LEMD3: variants seen among roughly 807,000 people sequenced by gnomAD.
LEMD3 encodes LEM domain containing 3.
A neutral mutation model predicts 95.2 loss-of-function variants in LEMD3; 33 were observed. The ratio of observed to expected loss-of-function variants is 0.35; its 90% CI spans 0.26 to 0.46. The LOEUF is 0.46. LEMD3 is among the 20% of genes least tolerant of loss of function. LEMD3 has a pLI of 1.00. For missense variants in LEMD3, 1,210 were observed against 1,192.8 expected (o/e 1.01, Z -0.21); for synonymous variants, 525 against 474.6 (o/e 1.11, Z -1.38).
intron 1 of LEMD3, among the ~76,000 whole-genome samples, chr12:65,203,658 T>A (rs762622654): frequency 1.3e-5 from 2 of 152,202 alleles, no homozygotes; most frequent in East Asian, 3.9e-4. Flanking sequence ...TCCAGTTAAT[T>A]AATGATTTGT....
rs1870924426 is a variant in LEMD3 at position 65,241,103 on chromosome 12, C to T, written c.2305+16C>T. Reference sequence around the variant, plus strand: ...CAAGGTCAAGGTATGTATTTTTAAACATCAAAAAAGTAATTTTCTTCTAAT... The same window carrying T: ...CAAGGTCAAGGTATGTATTTTTAAATATCAAAAAAGTAATTTTCTTCTAAT... On this transcript the variant is annotated intron_variant, in intron 9 of 12. Coordinates refer to ENST00000308330, the MANE Select transcript of LEMD3 (RefSeq NM_014319.5). 1.2e-6 allele frequency: 2 copies of T among 1,606,036 alleles called. No homozygotes were observed. Among genetic ancestry groups the T allele is most frequent in the Middle Eastern group, 1.7e-4 (1 of 6,048 alleles).
chr12:65,229,479 A>T (rs185712009), intron 4 of LEMD3, among the ~76,000 whole-genome samples: 1 of 152,258 alleles, frequency 6.6e-6, no homozygotes, highest in Non-Finnish European at 1.5e-5. Context: ...CAATGCCTGT[A>T]CTGATTTACA....
intron 2 of LEMD3, among the ~76,000 whole-genome samples, chr12:65,211,377 A>G (rs904732526): frequency 1.3e-5 from 2 of 152,180 alleles, no homozygotes; most frequent in Non-Finnish European, 2.9e-5. Flanking sequence ...TCTTCTGCAT[A>G]TTGGCATGCC....
intron 4 of LEMD3, among the ~76,000 whole-genome samples, chr12:65,221,746 T>TTTC (rs1438032186): frequency 1.4e-4 from 21 of 150,560 alleles, no homozygotes; most frequent in African/African-American, 4.6e-4. Context: ...CTTTTTTTTT[T>TTTC]TTTTTTTTCC....
intron 4 of LEMD3, among the ~76,000 whole-genome samples, chr12:65,224,999 T>C (rs1870404515): frequency 6.6e-6 from 1 of 152,166 alleles, no homozygotes; most frequent in East Asian, 1.9e-4. Context: ...GCTGATTCTT[T>C]CTTCTGTTTG....
intron 1 of LEMD3, among the ~76,000 whole-genome samples, chr12:65,210,124 GTGAA>G (rs34535883): frequency 0.47 from 71,289 of 151,486 alleles, 17,455 homozygotes; most frequent in African/African-American, 0.61. Flanking sequence ...TAATTTAGAG[GTGAA>G]TGAAGGAGGG....
At chr12:65,189,694 AT>A (rs1391701377) in intron 1 of LEMD3, among the ~76,000 whole-genome samples, 1 of 152,158 alleles carries the variant, frequency 6.6e-6, no homozygotes, top group African/African-American at 2.4e-5. Flanking sequence ...AATAAGACTA[AT>A]TTGTTTGCAA....
At chr12:65,234,267 T>C (rs955471707) in intron 4 of LEMD3, among the ~76,000 whole-genome samples, 6 of 152,262 alleles carry the variant, frequency 3.9e-5, no homozygotes, top group African/African-American at 1.4e-4. Context: ...CTGCACAGCT[T>C]AAAGTGTTTA....
At position 65,203,276 on chromosome 12, in the gene LEMD3, A is replaced by G. The variant is rs1040436141; in HGVS notation, c.1523-7650A>G. ...TAACTCCCACATGCTTAGCGTTCCA[A>G]TAATGGAACACTAGACATTAATAAA... On this transcript the variant is annotated intron_variant, in intron 1 of 12. Transcript: ENST00000308330. Among the ~76,000 whole-genome samples the G allele has an allele frequency of 5.1e-5, 7 of 137,062 alleles. No homozygotes were observed. The East Asian group carries it at 8.0e-4, about 16-fold the overall frequency. 89.9% of individuals were successfully genotyped at this position (137,062 alleles called of 152,430 possible). A position where few individuals can be genotyped will look rare whatever the true frequency, so the allele number is the denominator to read the frequency against.
chr12:65,232,842 C>T (rs886399449), intron 4 of LEMD3, among the ~76,000 whole-genome samples: 1 of 152,048 alleles, frequency 6.6e-6, no homozygotes, highest in Non-Finnish European at 1.5e-5. Context: ...CTTTCAAAAC[C>T]TTCTTAACCT....
intron 2 of LEMD3, among the ~76,000 whole-genome samples, chr12:65,212,459 C>T (rs1466325737): frequency 6.6e-6 from 1 of 151,154 alleles, no homozygotes; most frequent in African/African-American, 2.4e-5. Flanking sequence ...ATGGCCTGAA[C>T]CCGGGAGGCG....
rs758148747 is a variant in LEMD3 at position 65,170,722 on chromosome 12, G to T, written c.1126G>T (p.Asp376Tyr). 39 of 1,614,082 alleles carry T rather than the reference G, an allele frequency of 2.4e-5. No individual in the cohort carries two copies. Among genetic ancestry groups the T allele is most frequent in the Middle Eastern group, 1.6e-4 (1 of 6,084 alleles). ...CCTGCCCCCGCCACTTACTGACATGGACTCAACCTTGGATTCGTCAACAGG... is the reference window on the plus strand; with the variant it reads ...CCTGCCCCCGCCACTTACTGACATGTACTCAACCTTGGATTCGTCAACAGG... ...PLLPPPLTDM[D>Y]STLDSSTGSL... The change falls in exon 1 of 13, where the codon GAC (aspartate) becomes TAC (tyrosine). Residue 376 changes from aspartate to tyrosine, a missense_variant. Transcript: ENST00000308330.
chr12:65,225,036 A>G (rs1468074391), intron 4 of LEMD3, among the ~76,000 whole-genome samples: 1 of 151,958 alleles, frequency 6.6e-6, no homozygotes, highest in African/African-American at 2.4e-5. Context: ...AACCCCTCTA[A>G]TGAATTCTTA....
intron 1 of LEMD3, among the ~76,000 whole-genome samples, chr12:65,199,681 C>G (rs1040689277): frequency 2.0e-5 from 3 of 151,838 alleles, no homozygotes; most frequent in Non-Finnish European, 4.4e-5. Flanking sequence ...TTTCAGTTTT[C>G]AATTTATAAA....
chr12:65,227,097 T>A (rs952999625), intron 4 of LEMD3, among the ~76,000 whole-genome samples: 1 of 152,122 alleles, frequency 6.6e-6, no homozygotes, highest in Non-Finnish European at 1.5e-5. Flanking sequence ...CTCAGTGTTA[T>A]GGGATGGACG....
At chr12:65,244,277 A>ACC (rs1215684704) in intron 10 of LEMD3, among the ~76,000 whole-genome samples, 4 of 139,646 alleles carry the variant, frequency 2.9e-5, no homozygotes, top group Admixed American at 2.8e-4. Context: ...GCACACACAC[A>ACC]CACACACACC....
chr12:65,186,587 T>TA (rs1391898457), intron 1 of LEMD3, among the ~76,000 whole-genome samples: 1 of 150,054 alleles, frequency 6.7e-6, no homozygotes, highest in African/African-American at 2.4e-5. Context: ...CAAATGCATT[T>TA]AAAAAAATAG....
intron 9 of LEMD3, 129 bp downstream of exon 9, chr12:65,241,216 G>A (rs1870929258): frequency 1.3e-6 from 1 of 772,184 alleles, no homozygotes; most frequent in Non-Finnish European, 2.2e-6. Flanking sequence ...TTCGTAGAAG[G>A]AATCAGTGTT....
At chr12:65,190,427 A>C (rs1373090597) in intron 1 of LEMD3, among the ~76,000 whole-genome samples, 1 of 152,116 alleles carries the variant, frequency 6.6e-6, no homozygotes, top group Non-Finnish European at 1.5e-5. Flanking sequence ...TATACAGTCT[A>C]TTCTCTCTAA....
Sources: allele counts gnomAD v4.1 joint callset (sites outside exome capture counted in the v4.1 genomes callset), GRCh38; gene constraint gnomAD v4.1.1; transcripts MANE v1.5; gene names NCBI Gene and HGNC (gene_info 2026-07-23, HGNC 2026-07-21).